Variants in STK3 observed in about 807,000 individuals in gnomAD.
The protein encoded by STK3 is serine/threonine-protein kinase 3.
Under a neutral mutation model 58.0 loss-of-function variants are expected in STK3, and 41 were observed. That is an observed-to-expected ratio of 0.71 (90% CI 0.55 to 0.92). STK3 has a LOEUF of 0.92. STK3 is among the 40% of genes least tolerant of loss of function. The pLI, the probability that STK3 is intolerant of heterozygous loss-of-function variation, is 0.00. For missense variants in STK3, 479 were observed against 602.7 expected, an observed-to-expected ratio of 0.79 and a Z score of 2.15; for synonymous variants, 170 against 191.0, an observed-to-expected ratio of 0.89 and a Z score of 0.91.
intron 6 of STK3, among the ~76,000 whole-genome samples, chr8:98,652,642 C>A (rs1821056461): frequency 6.8e-6 from 1 of 146,396 alleles, no homozygotes; most frequent in African/African-American, 2.6e-5. Context: ...GGAAGATCTA[C>A]CAAGCAAATG....
At chr8:98,522,379 C>T (rs757545901) in intron 10 of STK3, among the ~76,000 whole-genome samples, 2 of 152,120 alleles carry the variant, frequency 1.3e-5, no homozygotes, top group African/African-American at 2.4e-5. Context: ...ATAATTCCTT[C>T]CATCTCATAG....
At chr8:98,383,208 G>A (rs1248405481) in intron 1 of STK3, among the ~76,000 whole-genome samples, 4 of 152,210 alleles carry the variant, frequency 2.6e-5, no homozygotes, top group African/African-American at 9.6e-5. Flanking sequence ...CTGGGAGATA[G>A]GCAATTCTTT....
chr8:98,910,366 A>C (rs1839081027), intron 1 of STK3, among the ~76,000 whole-genome samples: 1 of 152,202 alleles, frequency 6.6e-6, no homozygotes, highest in African/African-American at 2.4e-5. Flanking sequence ...ACTCCATATT[A>C]AGTTTTTTAG....
chr8:98,380,657 C>T (rs537176522), intron 1 of STK3, among the ~76,000 whole-genome samples: 2 of 152,234 alleles, frequency 1.3e-5, no homozygotes, highest in East Asian at 3.9e-4. Flanking sequence ...TTTCCTCAGA[C>T]CCTCACTAGT....
chr8:98,666,452 C>T (rs1402505481), intron 6 of STK3, among the ~76,000 whole-genome samples: 2 of 152,010 alleles, frequency 1.3e-5, no homozygotes, highest in African/African-American at 2.4e-5. Flanking sequence ...ACAGTTATAC[C>T]TAATCATGTT....
chr8:98,915,466 A>ATATATC (rs1839313467), intron 1 of STK3, among the ~76,000 whole-genome samples: 1 of 136,794 alleles, frequency 7.3e-6, no homozygotes, highest in Non-Finnish European at 1.5e-5. Flanking sequence ...ATATATATAT[A>ATATATC]TATAGTTCTG....
At chr8:98,904,532 G>A (rs186349801) in intron 1 of STK3, 116 of 462,428 alleles carry the variant, frequency 2.5e-4, no homozygotes, top group African/African-American at 1.7e-3. Context: ...GGGACCGCAC[G>A]GAGCAAGTTC....
At chr8:98,585,982 T>C (rs1563769232) in intron 7 of STK3, among the ~76,000 whole-genome samples, 1 of 152,192 alleles carries the variant, frequency 6.6e-6, no homozygotes, top group African/African-American at 2.4e-5. Flanking sequence ...CTTATCAGCT[T>C]AAGGAGATTT....
intron 1 of STK3, among the ~76,000 whole-genome samples, chr8:98,802,408 C>T (rs1833611932): frequency 6.6e-6 from 1 of 152,056 alleles, no homozygotes; most frequent in Non-Finnish European, 1.5e-5. Flanking sequence ...ATGCATGCTA[C>T]AAGTTAAGAA....
chr8:98,773,878 C>A (rs1788660659), intron 2 of STK3, among the ~76,000 whole-genome samples: 1 of 152,016 alleles, frequency 6.6e-6, no homozygotes, highest in Non-Finnish European at 1.5e-5. Flanking sequence ...CTCACCACAA[C>A]CTTCACCTTC....
At chr8:98,750,594 GCAGTAATAAA>G (rs959397123) in intron 3 of STK3, among the ~76,000 whole-genome samples, 4 of 151,362 alleles carry the variant, frequency 2.6e-5, no homozygotes, top group Non-Finnish European at 5.9e-5. Context: ...TAACACTGAG[GCAGTAATAAA>G]CAGCCTACCA....
intron 10 of STK3, among the ~76,000 whole-genome samples, chr8:98,502,333 C>A (rs915051882): frequency 6.6e-6 from 1 of 152,164 alleles, no homozygotes; most frequent in African/African-American, 2.4e-5. Flanking sequence ...TCTAAATATA[C>A]AATCATGTCG....
chr8:98,829,726 A>G, upstream of STK3, among the ~76,000 whole-genome samples: 1 of 152,226 alleles, frequency 6.6e-6, no homozygotes, highest in Non-Finnish European at 1.5e-5. Context: ...ACAAATATTT[A>G]TTGAGCACTT....
intron 1 of STK3, among the ~76,000 whole-genome samples, chr8:98,443,343 C>G (rs543178198): frequency 1.3e-5 from 2 of 152,282 alleles, no homozygotes; most frequent in South Asian, 4.1e-4. Flanking sequence ...CAGGTTTGGG[C>G]GATAACAGGT....
intron 3 of STK3, among the ~76,000 whole-genome samples, chr8:98,406,580 ACATAGATTT>A (rs1223322037): frequency 3.3e-5 from 5 of 152,238 alleles, no homozygotes; most frequent in Non-Finnish European, 7.3e-5. Flanking sequence ...TGTATGAAGG[ACATAGATTT>A]CCTTCATTAC....
intron 3 of STK3, among the ~76,000 whole-genome samples, chr8:98,425,922 C>G (rs889672002): frequency 5.9e-5 from 9 of 152,340 alleles, no homozygotes; most frequent in Non-Finnish European, 2.9e-5. Flanking sequence ...CACACAACCA[C>G]GGTGCTCCAG....
chr8:98,693,590 T>G (rs1370776791), intron 6 of STK3, among the ~76,000 whole-genome samples: 1 of 152,134 alleles, frequency 6.6e-6, no homozygotes, highest in Non-Finnish European at 1.5e-5. Context: ...CACTTTGATT[T>G]CAGACTTCTG....
chr8:98,438,624 G>C (rs750105801), intron 1 of STK3: 1 of 152,200 alleles, frequency 6.6e-6, no homozygotes. Context: ...GAGCAGGTTT[G>C]ACATGTCACT....
chr8:98,523,969 T>G (rs1171573012), intron 10 of STK3, among the ~76,000 whole-genome samples: 1 of 152,258 alleles, frequency 6.6e-6, no homozygotes, highest in East Asian at 1.9e-4. Context: ...TATTTCCTAC[T>G]AATTTTTTAG....
Sources: allele counts gnomAD v4.1 joint callset (sites outside exome capture counted in the v4.1 genomes callset), GRCh38; gene constraint gnomAD v4.1.1; transcripts MANE v1.5; gene names NCBI Gene and HGNC (gene_info 2026-07-23, HGNC 2026-07-21).